Variants in ACVR1C observed in about 807,000 individuals in gnomAD.
The protein encoded by ACVR1C is activin receptor type-1C.
In ACVR1C, 23 loss-of-function variants were observed where a neutral mutation model predicts 57.9. The ratio of observed to expected loss-of-function variants is 0.40; its 90% CI spans 0.29 to 0.56. ACVR1C has a LOEUF of 0.56. ACVR1C is among the 20% of genes least tolerant of loss of function. The pLI, the probability that ACVR1C is intolerant of heterozygous loss-of-function variation, is 0.50. For missense variants in ACVR1C, 480 were observed against 607.9 expected, an observed-to-expected ratio of 0.79 and a Z score of 2.21; for synonymous variants, 214 against 215.3, an observed-to-expected ratio of 0.99 and a Z score of 0.05.
At chr2:157,607,407 C>T (rs1247331281) in intron 1 of ACVR1C, among the ~76,000 whole-genome samples, 1 of 151,296 alleles carries the variant, frequency 6.6e-6, no homozygotes, top group African/African-American at 2.4e-5. Flanking sequence ...AGGATAATGT[C>T]TCCAGCTTTG....
rs1687311713 is a variant in ACVR1C, at chr2:157,529,602, T to C, written c.*4316A>G. On this transcript the variant is annotated 3_prime_UTR_variant, in exon 9 of 9. Coordinates refer to ENST00000243349, the MANE Select transcript of ACVR1C (RefSeq NM_145259.3). The stretch of plus-strand genomic sequence containing the variant: ...ATTTAATCTCTGATCCTTGGTTTCG[T>C]CATCTACACAAAATTGGAATAACTT... 6.6e-6 allele frequency: 1 copy of C among 151,980 alleles called. No homozygotes were observed. The highest frequency in any genetic ancestry group is 1.5e-5 in the Non-Finnish European group (1 of 67,948). The allele number at this position is 151,980 out of a possible 1,614,324, so 9.4% of individuals were successfully genotyped here.
intron 1 of ACVR1C, among the ~76,000 whole-genome samples, chr2:157,612,890 C>G (rs564035564): frequency 2.2e-4 from 34 of 152,288 alleles, no homozygotes; most frequent in Non-Finnish European, 2.9e-5. Context: ...CAGGATGAAT[C>G]CAAGTGACAG....
intron 2 of ACVR1C, among the ~76,000 whole-genome samples, chr2:157,558,548 T>C (rs145377281): frequency 4.3e-4 from 66 of 152,368 alleles, no homozygotes; most frequent in Middle Eastern, 6.8e-3. Context: ...GTAAAAGATT[T>C]AAAATTGTTA....
intron 1 of ACVR1C, among the ~76,000 whole-genome samples, chr2:157,603,077 T>C (rs1682315428): frequency 6.6e-6 from 1 of 152,164 alleles, no homozygotes; most frequent in Admixed American, 6.5e-5. Flanking sequence ...TACTACACCA[T>C]AGCTACAGCA....
chr2:157,575,321 C>G (rs920985307), intron 2 of ACVR1C, among the ~76,000 whole-genome samples: 9 of 152,060 alleles, frequency 5.9e-5, no homozygotes, highest in African/African-American at 2.2e-4. Context: ...TTAGTAGATA[C>G]AGGGTTTCAC....
At chr2:157,538,755 G>A in intron 7 of ACVR1C, 52 bp from the exon 8 acceptor site, 2 of 1,405,356 alleles carry the variant, frequency 1.4e-6, no homozygotes, top group South Asian at 1.8e-5. Flanking sequence ...AAACAAACAT[G>A]TCTATTTTAA....
At chr2:157,585,511 A>G (rs1377354117) in intron 2 of ACVR1C, among the ~76,000 whole-genome samples, 2 of 152,162 alleles carry the variant, frequency 1.3e-5, no homozygotes, top group Non-Finnish European at 2.9e-5. Flanking sequence ...GCCCAATTGC[A>G]TATGAGACAT....
chr2:157,538,545 A>G, intron 8 of ACVR1C, 28 bp downstream of exon 8: 1 of 1,527,114 alleles, frequency 6.5e-7, no homozygotes. Context: ...ATATAATAAG[A>G]AAAATATAGA....
chr2:157,611,482 T>C (rs1682531893), intron 1 of ACVR1C, among the ~76,000 whole-genome samples: 1 of 151,822 alleles, frequency 6.6e-6, no homozygotes, highest in South Asian at 2.1e-4. Flanking sequence ...TGTTAGTGGG[T>C]CCAGATGGGC....
At chr2:157,540,698 A>T (rs182216977) in intron 7 of ACVR1C, among the ~76,000 whole-genome samples, 47 of 152,280 alleles carry the variant, frequency 3.1e-4, no homozygotes, top group Non-Finnish European at 6.2e-4. Context: ...TTATCATATC[A>T]CAGGGAAGAA....
chr2:157,597,286 C>A, intron 1 of ACVR1C: 1 of 942,058 alleles, frequency 1.1e-6, no homozygotes, highest in Non-Finnish European at 1.3e-6. Flanking sequence ...GAACTCCATT[C>A]CCGGTCCCCA....
rs1448353705 is a variant in ACVR1C, at chr2:157,531,183, T to C, written c.*2735A>G. The C allele has an allele frequency of 6.6e-6, 1 of 152,086 alleles. No homozygotes were observed. Among genetic ancestry groups the C allele is most frequent in the Non-Finnish European group, 1.5e-5 (1 of 67,958 alleles). The allele number at this position is 152,086 out of a possible 1,614,324, so 9.4% of individuals were successfully genotyped here. A position where few individuals can be genotyped will look rare whatever the true frequency, so the allele number is the denominator to read the frequency against. ...ATAAGTATATACAAGAAGCCTGCCT[T>C]ATGCTCTAAACTTCATCATCCTATT... On this transcript the variant is annotated 3_prime_UTR_variant, in exon 9 of 9. Coordinates refer to ENST00000243349, the MANE Select transcript of ACVR1C (RefSeq NM_145259.3).
chr2:157,550,342 C>G lies in ACVR1C; in HGVS notation c.595G>C (p.Glu199Gln). Residue 199 changes from glutamate (E) to glutamine (Q), a missense_variant, in exon 4 of 9, where the codon GAA becomes CAA. Coordinates refer to ENST00000243349, the MANE Select transcript of ACVR1C (RefSeq NM_145259.3). ...RTIARTIVLQ[E>Q]IVGKGRFGEV... ...CCAAATCTACCTTTTCCTACTATTTCCTGAAGCACAATCGTCCTTGCAATT... is the reference window on the plus strand; with the variant it reads ...CCAAATCTACCTTTTCCTACTATTTGCTGAAGCACAATCGTCCTTGCAATT... The G allele has an allele frequency of 6.2e-7, 1 of 1,614,160 alleles. No individual in the cohort carries two copies.
At chr2:157,623,944 CTCTT>C (rs1307760825) in intron 1 of ACVR1C, among the ~76,000 whole-genome samples, 1 of 151,994 alleles carries the variant, frequency 6.6e-6, no homozygotes, top group African/African-American at 2.4e-5. Flanking sequence ...ACATAGCACA[CTCTT>C]TATGCTTAGA....
rs71402393 is a variant in ACVR1C at position 157,554,280 on chromosome 2, GAA to G, written c.544+1811_544+1812del. On this transcript the variant is annotated intron_variant, in intron 3 of 8. Transcript: ENST00000243349. Reference sequence around the variant, plus strand: ...GAAAGAAAGAAAGAAAGGAAGGAAGGAAGAGAGAGAGAGAGAGAAAGAAAGAA... The same window carrying G: ...GAAAGAAAGAAAGAAAGGAAGGAAGGGAGAGAGAGAGAGAGAAAGAAAGAA... Among the ~76,000 whole-genome samples the G allele has an allele frequency of 1.3e-4, 8 of 61,342 alleles. 1 individual carries two copies. The highest frequency in any genetic ancestry group is 6.1e-4 in the South Asian group (1 of 1,652). The allele number at this position is 61,342 out of a possible 152,430, so 40.2% of individuals were successfully genotyped here.
At chr2:157,595,488 T>C (rs1355766173) in intron 1 of ACVR1C, among the ~76,000 whole-genome samples, 1 of 152,246 alleles carries the variant, frequency 6.6e-6, no homozygotes, top group East Asian at 1.9e-4. Flanking sequence ...ACACATTTCC[T>C]CTGCTAATCA....
rs528100783 is a variant in ACVR1C, at chr2:157,575,809, GT to G, written c.304+11377del. Among the ~76,000 whole-genome samples, 245 of 152,082 alleles carry G rather than the reference GT, an allele frequency of 1.6e-3. 1 individual carries two copies. The highest frequency in any genetic ancestry group is 5.8e-3 in the African/African-American group (239 of 41,486). ...TCATATTAACTTTTGACTCATTACG[GT>G]TTTTTTAATTAGAAAAAGAATATAT... On this transcript the variant is annotated intron_variant, in intron 2 of 8. Transcript: ENST00000243349.
At chr2:157,599,118 A>G (rs1296742627) in intron 1 of ACVR1C, among the ~76,000 whole-genome samples, 1 of 151,856 alleles carries the variant, frequency 6.6e-6, no homozygotes, top group Non-Finnish European at 1.5e-5. Context: ...GCGGATCACG[A>G]AGTCAGGAGA....
chr2:157,538,391 A>C (rs1272163814), intron 8 of ACVR1C, among the ~76,000 whole-genome samples, 182 bp downstream of exon 8: 1 of 152,226 alleles, frequency 6.6e-6, no homozygotes, highest in Admixed American at 6.5e-5. Flanking sequence ...TGCTACTGTC[A>C]TGTAACCTAG....
Sources: gnomAD v4.1 joint callset for allele counts (sites outside exome capture counted in the v4.1 genomes callset) on GRCh38, gnomAD v4.1.1 for gene constraint, MANE v1.5 for transcripts, NCBI Gene and HGNC (gene_info 2026-07-23, HGNC 2026-07-21) for gene names.